Variants in LRRC4C observed in about 807,000 individuals in gnomAD.
LRRC4C encodes the protein leucine rich repeat containing 4C.
In LRRC4C, 5 loss-of-function variants were observed where a neutral mutation model predicts 33.6. The ratio of observed to expected loss-of-function variants is 0.15; its 90% CI spans 0.08 to 0.31. LRRC4C has a LOEUF of 0.31. Among genes scored for constraint, LRRC4C ranks in the 10% least tolerant of loss-of-function variants. LRRC4C has a pLI of 1.00. For synonymous variants in LRRC4C, 329 were observed against 302.0 expected, an observed-to-expected ratio of 1.09 and a Z score of -0.93; for missense variants, 560 against 796.7, an observed-to-expected ratio of 0.70 and a Z score of 3.58.
chr11:40,255,957 A>AT (rs1195501532), intron 4 of LRRC4C, among the ~76,000 whole-genome samples: 7 of 152,226 alleles, frequency 4.6e-5, no homozygotes, highest in Non-Finnish European at 7.3e-5. Flanking sequence ...AAAGCTACAA[A>AT]GGCTCTAAAT....
intron 5 of LRRC4C, among the ~76,000 whole-genome samples, chr11:40,236,793 A>G (rs912320215): frequency 6.6e-6 from 1 of 152,192 alleles, no homozygotes; most frequent in African/African-American, 2.4e-5. Context: ...CTCTGCATAC[A>G]CAGAAAAATA....
At chr11:40,976,124 A>AT (rs1852070019) in intron 1 of LRRC4C, among the ~76,000 whole-genome samples, 1 of 152,116 alleles carries the variant, frequency 6.6e-6, no homozygotes, top group Non-Finnish European at 1.5e-5. Context: ...ACTTTTTATG[A>AT]TTTTTTACAT....
At chr11:40,256,247 C>T (rs1380917278) in intron 4 of LRRC4C, among the ~76,000 whole-genome samples, 1 of 152,160 alleles carries the variant, frequency 6.6e-6, no homozygotes, top group Non-Finnish European at 1.5e-5. Context: ...TTGGGAATAA[C>T]ATAATCCCAG....
At chr11:40,494,195 C>A (rs1954308781) in intron 3 of LRRC4C, among the ~76,000 whole-genome samples, 2 of 152,098 alleles carry the variant, frequency 1.3e-5, no homozygotes, top group African/African-American at 4.8e-5. Context: ...CTCTAGGAAA[C>A]TTCTTAATTT....
rs138915588 is a variant in LRRC4C at position 41,383,837 on chromosome 11, T to C, written c.-496+75594A>G. 4.0e-3 allele frequency among the ~76,000 whole-genome samples: 615 copies of C among 152,026 alleles called. 1 individual carries two copies. The highest frequency in any genetic ancestry group is 0.013 in the African/African-American group (537 of 41,550). On this transcript the variant is annotated intron_variant, in intron 1 of 6. Coordinates refer to ENST00000528697, the MANE Select transcript of LRRC4C (RefSeq NM_001258419.2). ...AAAAAAATTCCAACTCTTTGTTGTT[T>C]ATAAGAGATTTAAGACATAAGAAAA...
intron 2 of LRRC4C, among the ~76,000 whole-genome samples, chr11:40,766,979 A>G (rs1179222576): frequency 6.6e-6 from 1 of 151,994 alleles, no homozygotes; most frequent in Non-Finnish European, 1.5e-5. Context: ...CAATTATAGC[A>G]TTGAATGTAA....
chr11:40,258,362 A>G (rs573966832), intron 4 of LRRC4C, among the ~76,000 whole-genome samples: 121 of 152,262 alleles, frequency 7.9e-4, no homozygotes, highest in Middle Eastern at 3.4e-3. Flanking sequence ...TGGTTTTTCA[A>G]TTTTCTCAGT....
chr11:41,424,867 C>G (rs1341078628), intron 1 of LRRC4C, among the ~76,000 whole-genome samples: 1 of 151,706 alleles, frequency 6.6e-6, no homozygotes, highest in Non-Finnish European at 1.5e-5. Flanking sequence ...AAAATTTATA[C>G]AGATAGTAGC....
intron 2 of LRRC4C, among the ~76,000 whole-genome samples, chr11:40,874,792 A>G (rs1954809263): frequency 6.6e-6 from 1 of 152,196 alleles, no homozygotes; most frequent in African/African-American, 2.4e-5. Flanking sequence ...TTGCAGCAAC[A>G]TAGTATAGTA....
intron 3 of LRRC4C, among the ~76,000 whole-genome samples, chr11:40,421,034 C>T (rs1950506695): frequency 6.6e-6 from 1 of 150,986 alleles, no homozygotes; most frequent in Non-Finnish European, 1.5e-5. Context: ...ATTAGGTAAA[C>T]CTTGAAATGG....
intron 5 of LRRC4C, among the ~76,000 whole-genome samples, chr11:40,171,411 CATCTAGAAACCCCTGTAGATA>C (rs1378535352): frequency 6.6e-6 from 1 of 152,080 alleles, no homozygotes; most frequent in Non-Finnish European, 1.5e-5. Context: ...TAACTGGAAC[CATCTAGAAACCCCTGTAGATA>C]GGGCAGGATT....
intron 3 of LRRC4C, among the ~76,000 whole-genome samples, chr11:40,595,937 C>A (rs1325165203): frequency 4.6e-5 from 7 of 152,130 alleles, no homozygotes; most frequent in Non-Finnish European, 5.9e-5. Flanking sequence ...AAACTAAGAT[C>A]TTTTGCAGCA....
At chr11:40,921,967 C>T (rs1957201445) in intron 2 of LRRC4C, among the ~76,000 whole-genome samples, 1 of 152,178 alleles carries the variant, frequency 6.6e-6, no homozygotes, top group Non-Finnish European at 1.5e-5. Flanking sequence ...TTTAAATTCC[C>T]TCTTCCTGCC....
chr11:40,983,225 G>A (rs1485168198), intron 1 of LRRC4C, among the ~76,000 whole-genome samples: 1 of 152,086 alleles, frequency 6.6e-6, no homozygotes, highest in Non-Finnish European at 1.5e-5. Flanking sequence ...TCTGTCCTTA[G>A]GTCTTTGAAG....
intron 3 of LRRC4C, among the ~76,000 whole-genome samples, chr11:40,359,498 A>C (rs751085087): frequency 1.3e-5 from 2 of 152,186 alleles, no homozygotes; most frequent in Non-Finnish European, 1.5e-5. Flanking sequence ...GCATCTCTTA[A>C]TTTAGTTGGG....
At chr11:40,202,440 A>T (rs1179893549) in intron 5 of LRRC4C, among the ~76,000 whole-genome samples, 2 of 152,106 alleles carry the variant, frequency 1.3e-5, no homozygotes, top group African/African-American at 4.8e-5. Context: ...AGGAAAGCTG[A>T]GTTATAATTC....
At chr11:41,269,045 T>C (rs1477392397) in intron 1 of LRRC4C, among the ~76,000 whole-genome samples, 4 of 152,146 alleles carry the variant, frequency 2.6e-5, no homozygotes, top group Non-Finnish European at 5.9e-5. Context: ...TGGGATCAAA[T>C]TATTAGGTTA....
At chr11:41,213,722 T>G (rs1049352036) in intron 1 of LRRC4C, among the ~76,000 whole-genome samples, 11 of 152,208 alleles carry the variant, frequency 7.2e-5, no homozygotes, top group African/African-American at 2.7e-4. Flanking sequence ...AATATGCACT[T>G]CCATACACAC....
At chr11:40,776,275 T>C (rs1191289925) in intron 2 of LRRC4C, among the ~76,000 whole-genome samples, 2 of 32,558 alleles carry the variant, frequency 6.1e-5, no homozygotes, top group African/African-American at 2.3e-4. Flanking sequence ...GATTTTTCTC[T>C]TTTTTTTTTT....
Sources: gnomAD v4.1 joint callset for allele counts (sites outside exome capture counted in the v4.1 genomes callset) on GRCh38, gnomAD v4.1.1 for gene constraint, MANE v1.5 for transcripts, NCBI Gene and HGNC (gene_info 2026-07-23, HGNC 2026-07-21) for gene names.